The following NEGR1 variants were observed in gnomAD, a reference collection of about 807,000 sequenced individuals.
NEGR1 encodes IgLON family member 4.
Under a neutral mutation model 40.9 loss-of-function variants are expected in NEGR1, and 10 were observed. The ratio of observed to expected loss-of-function variants is 0.24; its 90% CI spans 0.15 to 0.42. The LOEUF is 0.42. NEGR1 is among the 10% of genes least tolerant of loss of function. The pLI is 1.00. For missense variants in NEGR1, 352 were observed against 438.9 expected, an observed-to-expected ratio of 0.80 and a Z score of 1.77; for synonymous variants, 185 against 166.8, an observed-to-expected ratio of 1.11 and a Z score of -0.84.
intron 4 of NEGR1, among the ~76,000 whole-genome samples, chr1:71,656,161 A>T (rs995037029): frequency 6.6e-6 from 1 of 152,122 alleles, no homozygotes; most frequent in African/African-American, 2.4e-5. Flanking sequence ...CCCACTTCCC[A>T]ATCTGCACTG....
intron 1 of NEGR1, among the ~76,000 whole-genome samples, chr1:72,013,200 G>T (rs930615537): frequency 6.6e-6 from 1 of 151,940 alleles, no homozygotes; most frequent in Non-Finnish European, 1.5e-5. Flanking sequence ...TTTGGAATTT[G>T]AATGAGCCCC....
intron 2 of NEGR1, among the ~76,000 whole-genome samples, chr1:71,876,172 T>C (rs572021490): frequency 2.8e-4 from 43 of 152,252 alleles, no homozygotes; most frequent in African/African-American, 9.4e-4. Flanking sequence ...TTCTTGTATA[T>C]ATTATAGAAT....
chr1:71,553,552 T>C (rs1274454401), intron 6 of NEGR1, among the ~76,000 whole-genome samples: 1 of 151,506 alleles, frequency 6.6e-6, no homozygotes, highest in Non-Finnish European at 1.5e-5. Flanking sequence ...AGATGAAATT[T>C]TAGATAAAAA....
In NEGR1 at chr1:71,463,194, A is replaced by G. The variant is rs1646725166; in HGVS notation, c.941-55624T>C. 3 of 152,258 alleles carry G rather than the reference A, an allele frequency of 2.0e-5. No individual in the cohort carries two copies. In the South Asian group the frequency reaches 6.2e-4, roughly 32 times the overall value. The allele number at this position is 152,258 out of a possible 1,614,324, so 9.4% of individuals were successfully genotyped here. On this transcript the variant is annotated intron_variant, in intron 6 of 6. Transcript: ENST00000357731. ...AAGTAAATTATATACATTTTATGTA[A>G]AAGGGTGACAAAAGCTATTGGGCAA...
intron 1 of NEGR1, among the ~76,000 whole-genome samples, chr1:71,956,315 G>A (rs553596218): frequency 2.5e-4 from 38 of 152,132 alleles, no homozygotes; most frequent in Admixed American, 5.2e-4. Context: ...ATCTTCTACC[G>A]TGATTATTAA....
At chr1:72,262,517 G>A in intron 1 of NEGR1, among the ~76,000 whole-genome samples, 1 of 151,948 alleles carries the variant, frequency 6.6e-6, no homozygotes, top group East Asian at 1.9e-4. Context: ...TTGAGGACAA[G>A]AGATTTTTCG....
intron 4 of NEGR1, among the ~76,000 whole-genome samples, chr1:71,683,603 C>T (rs928222484): frequency 3.3e-5 from 5 of 151,812 alleles, no homozygotes; most frequent in African/African-American, 4.8e-5. Context: ...TTTTTAACTT[C>T]TCAAGATAAA....
intron 6 of NEGR1, among the ~76,000 whole-genome samples, chr1:71,494,086 T>C (rs1289310351): frequency 6.6e-6 from 1 of 152,220 alleles, no homozygotes; most frequent in East Asian, 1.9e-4. Flanking sequence ...GGCTTTTGCC[T>C]TCAGCTACTG....
chr1:72,026,209 T>G (rs1427076516), intron 1 of NEGR1, among the ~76,000 whole-genome samples: 1 of 148,960 alleles, frequency 6.7e-6, no homozygotes, highest in African/African-American at 2.5e-5. Context: ...ACCTGTGAAG[T>G]GGTTCTCATC....
chr1:71,548,101 A>T (rs2101465538), intron 6 of NEGR1, among the ~76,000 whole-genome samples: 1 of 151,850 alleles, frequency 6.6e-6, no homozygotes, highest in Non-Finnish European at 1.5e-5. Flanking sequence ...TCTTGATTAC[A>T]GTCTCATGAG....
chr1:72,008,970 ACTTCC>A (rs77141864), intron 1 of NEGR1, among the ~76,000 whole-genome samples: 14,289 of 151,132 alleles, frequency 0.095, 755 homozygotes, highest in Middle Eastern at 0.17. Flanking sequence ...TTACCATTAA[ACTTCC>A]CTAACCACCA....
intron 6 of NEGR1, among the ~76,000 whole-genome samples, chr1:71,576,950 A>C (rs140430322): frequency 4.3e-3 from 651 of 152,352 alleles, no homozygotes; most frequent in Admixed American, 8.6e-3. Flanking sequence ...TGATACAGTG[A>C]TGCTATTCCA....
intron 4 of NEGR1, among the ~76,000 whole-genome samples, chr1:71,639,981 C>T (rs534652181): frequency 2.8e-4 from 42 of 152,152 alleles, no homozygotes; most frequent in African/African-American, 9.4e-4. Flanking sequence ...AGCAGAACTG[C>T]TCTGCTTCTT....
chr1:72,264,173 T>C (rs1044863357), intron 1 of NEGR1, among the ~76,000 whole-genome samples: 7 of 151,414 alleles, frequency 4.6e-5, no homozygotes, highest in African/African-American at 1.5e-4. Flanking sequence ...GTATACAGAA[T>C]AAGAAATCAG....
intron 2 of NEGR1, among the ~76,000 whole-genome samples, chr1:71,810,949 T>C (rs1271814886): frequency 1.3e-5 from 2 of 152,214 alleles, no homozygotes; most frequent in Non-Finnish European, 2.9e-5. Context: ...CTAATGGATC[T>C]GTTAATTCTT....
At chr1:71,564,965 C>T (rs544138303) in intron 6 of NEGR1, among the ~76,000 whole-genome samples, 259 of 152,046 alleles carry the variant, frequency 1.7e-3, no homozygotes, top group Non-Finnish European at 1.6e-3. Flanking sequence ...CATACTGCTT[C>T]AAAGAGGAAG....
At chr1:72,103,401 T>C (rs1222767615) in intron 1 of NEGR1, among the ~76,000 whole-genome samples, 1 of 152,112 alleles carries the variant, frequency 6.6e-6, no homozygotes, top group East Asian at 1.9e-4. Context: ...CAGGATGTGA[T>C]GAAGATACAA....
At chr1:71,605,701 A>G (rs1387931614) in intron 5 of NEGR1, among the ~76,000 whole-genome samples, 2 of 152,214 alleles carry the variant, frequency 1.3e-5, no homozygotes, top group African/African-American at 4.8e-5. Flanking sequence ...GTATTGAGGA[A>G]AAAAGTTTAA....
At chr1:72,229,895 T>C (rs999514861) in intron 1 of NEGR1, among the ~76,000 whole-genome samples, 2 of 152,086 alleles carry the variant, frequency 1.3e-5, no homozygotes, top group Non-Finnish European at 2.9e-5. Flanking sequence ...ATGTATAATT[T>C]TTCCACTCAA....
Sources: allele counts gnomAD v4.1 joint callset (sites outside exome capture counted in the v4.1 genomes callset), GRCh38; gene constraint gnomAD v4.1.1; transcripts MANE v1.5; gene names NCBI Gene and HGNC (gene_info 2026-07-23, HGNC 2026-07-21).